Variants in EDEM3 observed in about 807,000 individuals in gnomAD.
The protein encoded by EDEM3 is ER degradation enhancing alpha-mannosidase like protein 3, also known as ER degradation-enhancing alpha-mannosidase-like protein 3.
A neutral mutation model predicts 110.2 loss-of-function variants in EDEM3; 60 were observed. The ratio of observed to expected loss-of-function variants is 0.54; its 90% CI spans 0.44 to 0.67. The LOEUF is 0.67. Among genes scored for constraint, EDEM3 ranks in the 30% least tolerant of loss-of-function variants. The pLI is 0.00. For synonymous variants in EDEM3, 352 were observed against 382.9 expected (o/e 0.92, Z 0.94); for missense variants, 996 against 1,121.0 (o/e 0.89, Z 1.59).
intron 1 of EDEM3, among the ~76,000 whole-genome samples, chr1:184,753,340 A>C (rs182496547): frequency 1.3e-5 from 2 of 151,560 alleles, no homozygotes; most frequent in East Asian, 1.9e-4. Flanking sequence ...TCTCAATATT[A>C]TTCCATAATA....
At chr1:184,750,144 T>C (rs1652676851) in intron 1 of EDEM3, among the ~76,000 whole-genome samples, 1 of 152,226 alleles carries the variant, frequency 6.6e-6, no homozygotes, top group Admixed American at 6.5e-5. Flanking sequence ...TATTTATTAA[T>C]GTTTGTCATA....
rs748116675 is a variant in EDEM3, at chr1:184,732,878, A to C, written c.571T>G (p.Leu191Val). Residue 191 changes from leucine to valine, a missense_variant, in exon 6 of 20, where the codon TTA (leucine) becomes GTA (valine). Leu to Val is a conservative substitution (Grantham distance 32). Transcript: ENST00000318130. ...CCACTGGTAGTGTTGAAAGCCGGTA[A>C]AAGTTTGTAACCTAACTGCTTTGCC... is the stretch of plus-strand genomic sequence containing the variant. ...QMAKQLGYKL[L>V]PAFNTTSGLP... 2 of 1,614,032 alleles carry C rather than the reference A, an allele frequency of 1.2e-6. No homozygotes were observed. Among genetic ancestry groups the C allele is most frequent in the Non-Finnish European group, 8.5e-7 (1 of 1,179,930 alleles).
At chr1:184,712,027 T>C in intron 14 of EDEM3, 150 bp from the exon 15 acceptor site, 2 of 594,124 alleles carry the variant, frequency 3.4e-6, no homozygotes, top group Admixed American at 3.5e-5. Context: ...CCTGGGTTCA[T>C]GCCATTCTCC....
chr1:184,751,637 C>A (rs1652773043), intron 1 of EDEM3, among the ~76,000 whole-genome samples: 1 of 152,026 alleles, frequency 6.6e-6, no homozygotes, highest in Non-Finnish European at 1.5e-5. Flanking sequence ...AATTACTATA[C>A]TGAACAGAAA....
chr1:184,733,724 A>T (rs1206325538), intron 5 of EDEM3, among the ~76,000 whole-genome samples: 1 of 151,498 alleles, frequency 6.6e-6, no homozygotes. Flanking sequence ...GCTACTCGGG[A>T]GGCTGAGGCA....
intron 5 of EDEM3, among the ~76,000 whole-genome samples, chr1:184,733,485 A>G (rs1299019774): frequency 6.6e-6 from 1 of 152,200 alleles, no homozygotes; most frequent in Non-Finnish European, 1.5e-5. Flanking sequence ...AAAACTATAA[A>G]AATTAAATAA....
chr1:184,702,719 C>T, intron 19 of EDEM3, 92 bp downstream of exon 19: 1 of 1,103,342 alleles, frequency 9.1e-7, no homozygotes. Context: ...CAGTGAACCC[C>T]CCAAAACAAT....
chr1:184,744,813 A>G (rs1652339625), intron 2 of EDEM3, among the ~76,000 whole-genome samples: 2 of 152,120 alleles, frequency 1.3e-5, no homozygotes, highest in Admixed American at 6.5e-5. Context: ...GAATTACAAT[A>G]TATCTCCAAC....
intron 1 of EDEM3, among the ~76,000 whole-genome samples, chr1:184,750,150 T>C (rs545834693): frequency 6.6e-6 from 1 of 152,364 alleles, no homozygotes; most frequent in Non-Finnish European, 1.5e-5. Flanking sequence ...TTAATGTTTG[T>C]CATATTTTCA....
At chr1:184,731,315 C>T (rs1192450814) in intron 6 of EDEM3, among the ~76,000 whole-genome samples, 2 of 152,158 alleles carry the variant, frequency 1.3e-5, no homozygotes, top group Non-Finnish European at 2.9e-5. Flanking sequence ...CAATAAAACT[C>T]CTTCAACTGA....
chr1:184,695,989 G>A (rs980012134), intron 19 of EDEM3, among the ~76,000 whole-genome samples: 2 of 151,872 alleles, frequency 1.3e-5, no homozygotes, highest in African/African-American at 4.8e-5. Context: ...ACCTTCCCCT[G>A]CCTCCCTGTC....
chr1:184,727,070 T>A (rs1651232811), intron 6 of EDEM3, among the ~76,000 whole-genome samples: 1 of 152,158 alleles, frequency 6.6e-6, no homozygotes, highest in African/African-American at 2.4e-5. Context: ...GGCGAGTGGA[T>A]CACTTGAGGC....
At chr1:184,694,516 A>G in intron 19 of EDEM3, 44 bp from the exon 20 acceptor site, 6 of 1,288,722 alleles carry the variant, frequency 4.7e-6, no homozygotes, top group Non-Finnish European at 6.4e-6. Context: ...CTCTAAAAAA[A>G]TGTACTATTA....
At chr1:184,732,407 C>G (rs997631318) in intron 6 of EDEM3, among the ~76,000 whole-genome samples, 1 of 151,994 alleles carries the variant, frequency 6.6e-6, no homozygotes, top group Non-Finnish European at 1.5e-5. Context: ...TTTAATAGCA[C>G]AACAGAGCGA....
intron 17 of EDEM3, among the ~76,000 whole-genome samples, chr1:184,707,629 T>G (rs1650003033): frequency 1.3e-5 from 2 of 152,218 alleles, no homozygotes; most frequent in South Asian, 4.1e-4. Context: ...ATCAATTAGT[T>G]AGATAACTTT....
chr1:184,697,504 G>A (rs945753374), intron 19 of EDEM3, among the ~76,000 whole-genome samples: 1 of 151,654 alleles, frequency 6.6e-6, no homozygotes, highest in African/African-American at 2.4e-5. Flanking sequence ...TATTGGCAAA[G>A]GAATAAACAC....
Position 184,711,841 on chromosome 1 carries a change from C to A in EDEM3, c.1573G>T (p.Asp525Tyr). The A allele has an allele frequency of 1.2e-6, 2 of 1,612,990 alleles. No homozygotes were observed. Among genetic ancestry groups the A allele is most frequent in the Admixed American group, 1.7e-5 (1 of 59,960 alleles). The change falls in exon 15 of 20, where the codon GAT becomes TAT. Residue 525 changes from aspartate to tyrosine, a missense_variant. By Grantham distance (160) the Asp-to-Tyr change is radical. Transcript: ENST00000318130. ...ATCTGAGTATTTGGACAAGTCCAATCGAAGTTACTGTCATCCAGTTCTGTA... is the reference window on the plus strand; with the variant it reads ...ATCTGAGTATTTGGACAAGTCCAATAGAAGTTACTGTCATCCAGTTCTGTA... Reference protein sequence around the residue: ...EYTELDDSNFDWTCPNTQILF... With the variant: ...EYTELDDSNFYWTCPNTQILF...
At chr1:184,695,599 GA>G (rs1219998894) in intron 19 of EDEM3, among the ~76,000 whole-genome samples, 1 of 151,700 alleles carries the variant, frequency 6.6e-6, no homozygotes, top group Non-Finnish European at 1.5e-5. Flanking sequence ...ATAATGACAA[GA>G]AAAAAAATCT....
Position 184,706,742 on chromosome 1 carries a change from C to G in EDEM3, c.2104G>C (p.Val702Leu). The G allele has an allele frequency of 1.2e-6, 2 of 1,613,970 alleles. No homozygotes were observed. The highest frequency in any genetic ancestry group is 1.7e-6 in the Non-Finnish European group (2 of 1,179,936). ...GCSELTNPEA[V>L]MGKIALIQRG... ...TGTATCAGTGCGATTTTTCCCATCACTGCCTCTGGGTTAGTAAGCTCTGAA... is the reference window on the plus strand; with the variant it reads ...TGTATCAGTGCGATTTTTCCCATCAGTGCCTCTGGGTTAGTAAGCTCTGAA... Residue 702 changes from valine (V) to leucine (L), a missense_variant, in exon 18 of 20, where the codon GTG becomes CTG. Val to Leu is a conservative substitution (Grantham distance 32). Transcript: ENST00000318130.
Sources: allele counts gnomAD v4.1 joint callset (sites outside exome capture counted in the v4.1 genomes callset), GRCh38; gene constraint gnomAD v4.1.1; transcripts MANE v1.5; gene names NCBI Gene and HGNC (gene_info 2026-07-23, HGNC 2026-07-21).